TRIM9: variants seen among roughly 807,000 people sequenced by gnomAD.
TRIM9 encodes the protein tripartite motif containing 9, also known as E3 ubiquitin-protein ligase TRIM9.
Under a neutral mutation model 78.3 loss-of-function variants are expected in TRIM9, and 26 were observed. The observed-to-expected ratio is 0.33, with a 90% CI of 0.24 to 0.46. The LOEUF (loss-of-function observed/expected upper bound fraction) is 0.46, where lower values mean the gene tolerates loss of function less well. Ranked by LOEUF, TRIM9 falls within the 20% of genes least tolerant of loss-of-function variation. The pLI, the probability that TRIM9 is intolerant of heterozygous loss-of-function variation, is 1.00. For synonymous variants in TRIM9, 398 were observed against 416.5 expected (o/e 0.96, Z 0.54); for missense variants, 787 against 1,036.4 (o/e 0.76, Z 3.30).
intron 1 of TRIM9, among the ~76,000 whole-genome samples, chr14:51,060,225 T>G (rs1229537554): frequency 1.3e-5 from 2 of 152,236 alleles, no homozygotes; most frequent in African/African-American, 4.8e-5. Context: ...CATTCTTATT[T>G]TGTAATTGGT....
chr14:50,986,292 G>T (rs1045396063), intron 7 of TRIM9, 148 bp from the exon 8 acceptor site: 1 of 626,174 alleles, frequency 1.6e-6, no homozygotes, highest in Non-Finnish European at 2.3e-6. Flanking sequence ...CAAAACCAAT[G>T]TGCCTGGGGG....
intron 5 of TRIM9, among the ~76,000 whole-genome samples, chr14:51,001,228 ATTT>A (rs34019183): frequency 2.7e-4 from 35 of 130,592 alleles, no homozygotes; most frequent in African/African-American, 4.6e-4. Context: ...TGTGCTAATA[ATTT>A]TTTTTTTTTT....
intron 1 of TRIM9, among the ~76,000 whole-genome samples, chr14:51,046,962 G>C (rs1465954488): frequency 6.6e-6 from 1 of 152,218 alleles, no homozygotes; most frequent in African/African-American, 2.4e-5. Flanking sequence ...ATGGAAACAT[G>C]TATGTATAGT....
chr14:51,086,139 T>A (rs1340361987), intron 1 of TRIM9, among the ~76,000 whole-genome samples: 1 of 152,172 alleles, frequency 6.6e-6, no homozygotes. Context: ...GTCATTGAAG[T>A]TTGTAAGTTC....
At chr14:51,001,062 T>C (rs893773779) in intron 5 of TRIM9, among the ~76,000 whole-genome samples, 25 of 152,076 alleles carry the variant, frequency 1.6e-4, no homozygotes, top group African/African-American at 4.3e-4. Flanking sequence ...CCCACCTTCA[T>C]TGTGGCTGTT....
chr14:51,041,235 A>AT (rs1408715484), intron 1 of TRIM9, among the ~76,000 whole-genome samples: 1 of 152,258 alleles, frequency 6.6e-6, no homozygotes, highest in African/African-American at 2.4e-5. Context: ...ATGAAAATAA[A>AT]TCTCACCATG....
At chr14:51,050,349 G>C (rs1197056304) in intron 1 of TRIM9, among the ~76,000 whole-genome samples, 1 of 152,154 alleles carries the variant, frequency 6.6e-6, no homozygotes, top group Non-Finnish European at 1.5e-5. Context: ...CACGAGATCT[G>C]ATGGTTTTAC....
At chr14:51,093,712 C>T (rs944811999) in intron 1 of TRIM9, among the ~76,000 whole-genome samples, 32 of 152,358 alleles carry the variant, frequency 2.1e-4, no homozygotes, top group Non-Finnish European at 1.2e-4. Context: ...CAGTCCCTCC[C>T]CGAGGGTTCG....
At chr14:51,061,591 T>C (rs567965924) in intron 1 of TRIM9, among the ~76,000 whole-genome samples, 2 of 152,324 alleles carry the variant, frequency 1.3e-5, no homozygotes, top group East Asian at 1.9e-4. Flanking sequence ...TTTTTGCTCA[T>C]TCCAAACTGA....
chr14:51,051,916 G>A (rs887797935), intron 1 of TRIM9, among the ~76,000 whole-genome samples: 3 of 151,386 alleles, frequency 2.0e-5, no homozygotes, highest in African/African-American at 7.3e-5. Flanking sequence ...GCAGTGAGCC[G>A]AGTTTATGCC....
chr14:51,060,929 C>T (rs1304274002), intron 1 of TRIM9, among the ~76,000 whole-genome samples: 1 of 152,228 alleles, frequency 6.6e-6, no homozygotes, highest in African/African-American at 2.4e-5. Flanking sequence ...ATTCTAGTTA[C>T]TTCACATTCT....
At chr14:50,990,467 ATATTATTGATTGGTTT>A (rs1406437357) in intron 7 of TRIM9, among the ~76,000 whole-genome samples, 2 of 152,188 alleles carry the variant, frequency 1.3e-5, no homozygotes, top group Non-Finnish European at 2.9e-5. Flanking sequence ...TCAGTGTCAT[ATATTATTGATTGGTTT>A]TTACACTTCT....
chr14:51,048,983 CAAAAA>C (rs570470795), intron 1 of TRIM9, among the ~76,000 whole-genome samples: 1 of 95,256 alleles, frequency 1.0e-5, no homozygotes. Context: ...GACTCCATCT[CAAAAA>C]AAAAAAAAAA....
chr14:51,063,546 C>T (rs751159840), intron 1 of TRIM9, among the ~76,000 whole-genome samples: 3 of 152,084 alleles, frequency 2.0e-5, no homozygotes, highest in Non-Finnish European at 2.9e-5. Context: ...ATACATATGA[C>T]AGTCAAAGTC....
At chr14:51,061,160 C>A (rs2061324510) in intron 1 of TRIM9, among the ~76,000 whole-genome samples, 1 of 152,078 alleles carries the variant, frequency 6.6e-6, no homozygotes, top group Non-Finnish European at 1.5e-5. Flanking sequence ...CGCCTGTAAT[C>A]CCAGCACTTT....
At chr14:51,065,885 G>A (rs1307304460) in intron 1 of TRIM9, among the ~76,000 whole-genome samples, 1 of 152,020 alleles carries the variant, frequency 6.6e-6, no homozygotes, top group Non-Finnish European at 1.5e-5. Flanking sequence ...TTACACAACT[G>A]AAATGATTCA....
chr14:51,011,984 T>C (rs2139653136), intron 3 of TRIM9, among the ~76,000 whole-genome samples: 1 of 152,346 alleles, frequency 6.6e-6, no homozygotes, highest in South Asian at 2.1e-4. Flanking sequence ...CTCTTATTAT[T>C]GGGCATTAAA....
At chr14:51,008,640 C>T (rs1014760083) in intron 5 of TRIM9, among the ~76,000 whole-genome samples, 2 of 152,294 alleles carry the variant, frequency 1.3e-5, no homozygotes, top group East Asian at 3.9e-4. Context: ...TATTGGCAGG[C>T]CAACTGTGAT....
intron 1 of TRIM9, among the ~76,000 whole-genome samples, chr14:51,029,063 A>T (rs1464641048): frequency 6.6e-6 from 1 of 152,106 alleles, no homozygotes; most frequent in African/African-American, 2.4e-5. Context: ...CCAATGCCTG[A>T]CTTGCCCAAG....
Sources: allele counts gnomAD v4.1 joint callset (sites outside exome capture counted in the v4.1 genomes callset), GRCh38; gene constraint gnomAD v4.1.1; transcripts MANE v1.5; gene names NCBI Gene and HGNC (gene_info 2026-07-23, HGNC 2026-07-21).